Variants in TBC1D22A observed in about 807,000 individuals in gnomAD.
TBC1D22A encodes TBC1 domain family member 22A, also known as putative GTPase activator.
Under a neutral mutation model 60.2 loss-of-function variants are expected in TBC1D22A, and 38 were observed. The observed-to-expected ratio is 0.63, with a 90% CI of 0.49 to 0.83. The LOEUF (loss-of-function observed/expected upper bound fraction) is 0.83. Among genes scored for constraint, TBC1D22A ranks in the 40% least tolerant of loss-of-function variants. TBC1D22A has a pLI of 0.00. For synonymous variants in TBC1D22A, 302 were observed against 281.7 expected, an observed-to-expected ratio of 1.07 and a Z score of -0.72; for missense variants, 628 against 701.0, an observed-to-expected ratio of 0.90 and a Z score of 1.18.
In TBC1D22A at chr22:47,159,047, A is replaced by G. The variant is rs561625130; in HGVS notation, c.1426-14451A>G. 4.0e-5 allele frequency among the ~76,000 whole-genome samples: 6 copies of G among 150,696 alleles called. No homozygotes were observed. In the South Asian group the frequency reaches 1.3e-3, roughly 32 times the overall value. Reference sequence around the variant, plus strand: ...ACACACACACACCATGTATACACACACACCATGTATACACAGACACCACAC... The same window carrying G: ...ACACACACACACCATGTATACACACGCACCATGTATACACAGACACCACAC... On this transcript the variant is annotated intron_variant, in intron 12 of 12. Transcript: ENST00000337137.
At chr22:46,894,132 A>G (rs6007987) in intron 6 of TBC1D22A, among the ~76,000 whole-genome samples, 2,105 of 152,300 alleles carry the variant, frequency 0.014, 65 homozygotes, top group African/African-American at 0.048. Flanking sequence ...AGCGTGGGCT[A>G]GTGTGAGATG....
Position 47,111,507 on chromosome 22 carries a change from G to C in TBC1D22A, c.1330-1G>C, listed in dbSNP as rs1028297602. ...TCTCTTGGTTATTTTTTCTCTTTTA[G>C]TCTGAACCGGACGGCTTTTCTCATT... On this transcript the variant is annotated splice_acceptor_variant, in intron 11 of 12. Coordinates refer to ENST00000337137, the MANE Select transcript of TBC1D22A (RefSeq NM_014346.5). LOFTEE classifies it high-confidence loss of function. 6.2e-7 allele frequency: 1 copy of C among 1,612,862 alleles called. No homozygotes were observed. The highest frequency in any genetic ancestry group is 1.3e-5 in the African/African-American group (1 of 74,898).
At chr22:46,820,589 T>C (rs968041152) in intron 4 of TBC1D22A, among the ~76,000 whole-genome samples, 4 of 152,248 alleles carry the variant, frequency 2.6e-5, no homozygotes, top group African/African-American at 7.2e-5. Flanking sequence ...TGCACTGTGG[T>C]CTGAGAGACT....
At chr22:47,093,218 C>T (rs551736068) in intron 11 of TBC1D22A, among the ~76,000 whole-genome samples, 1 of 152,308 alleles carries the variant, frequency 6.6e-6, no homozygotes, top group South Asian at 2.1e-4. Flanking sequence ...GTGAAGTGAG[C>T]CGCCTCCCTG....
At chr22:46,915,918 C>A in intron 8 of TBC1D22A, 1 of 449,236 alleles carries the variant, frequency 2.2e-6, no homozygotes, top group African/African-American at 2.0e-5. Context: ...TCTGCACATG[C>A]TGGCACTCAG....
chr22:46,862,983 G>A (rs962599251), intron 4 of TBC1D22A, among the ~76,000 whole-genome samples: 1 of 152,206 alleles, frequency 6.6e-6, no homozygotes, highest in Non-Finnish European at 1.5e-5. Flanking sequence ...GGCTTCCGAA[G>A]CATCTTGTCC....
chr22:46,912,305 A>G (rs1171346755), intron 8 of TBC1D22A, 117 bp downstream of exon 8: 6 of 671,046 alleles, frequency 8.9e-6, no homozygotes, highest in Non-Finnish European at 1.5e-5. Context: ...ATGATAGGTA[A>G]TATTAGAGAA....
intron 8 of TBC1D22A, among the ~76,000 whole-genome samples, chr22:46,964,992 C>G (rs2148075931): frequency 6.6e-6 from 1 of 152,332 alleles, no homozygotes; most frequent in African/African-American, 2.4e-5. Context: ...AGGAGCAGAA[C>G]TTTGGGGCCG....
At chr22:46,837,237 C>T (rs1158705330) in intron 4 of TBC1D22A, among the ~76,000 whole-genome samples, 1 of 152,000 alleles carries the variant, frequency 6.6e-6, no homozygotes, top group Non-Finnish European at 1.5e-5. Flanking sequence ...ATTGGAGAAC[C>T]TCAATATATA....
intron 11 of TBC1D22A, among the ~76,000 whole-genome samples, chr22:47,098,079 G>GA (rs377417357): frequency 3.3e-5 from 5 of 151,820 alleles, no homozygotes; most frequent in African/African-American, 7.2e-5. Context: ...AAAAGAAAAA[G>GA]AAAAAAAATC....
At chr22:46,820,116 A>G (rs187207287) in intron 4 of TBC1D22A, among the ~76,000 whole-genome samples, 8 of 151,446 alleles carry the variant, frequency 5.3e-5, no homozygotes, top group Non-Finnish European at 1.2e-4. Flanking sequence ...TGTCTCTTTG[A>G]TTCTTCTCTC....
chr22:47,159,911 A>C (rs200732378), intron 12 of TBC1D22A, among the ~76,000 whole-genome samples: 2 of 43,154 alleles, frequency 4.6e-5, no homozygotes, highest in African/African-American at 1.5e-4. Context: ...CACCACACAC[A>C]TGTGCCACAT....
At chr22:47,097,134 G>A (rs968255447) in intron 11 of TBC1D22A, among the ~76,000 whole-genome samples, 9 of 152,160 alleles carry the variant, frequency 5.9e-5, no homozygotes, top group South Asian at 2.1e-4. Flanking sequence ...CTTTCTGTCC[G>A]GGGCCTAGGC....
At chr22:47,092,174 AGGGATGTC>A (rs1257398466) in intron 11 of TBC1D22A, among the ~76,000 whole-genome samples, 1 of 152,074 alleles carries the variant, frequency 6.6e-6, no homozygotes, top group African/African-American at 2.4e-5. Context: ...TGTGCACTGG[AGGGATGTC>A]GGAGCAGGGC....
intron 8 of TBC1D22A, among the ~76,000 whole-genome samples, chr22:46,936,464 A>G (rs2071662546): frequency 6.6e-6 from 1 of 152,040 alleles, no homozygotes; most frequent in East Asian, 1.9e-4. Context: ...CAAACAGTAC[A>G]TAGCACATCT....
chr22:47,075,508 C>A (rs1297674474), intron 11 of TBC1D22A, among the ~76,000 whole-genome samples: 2 of 152,080 alleles, frequency 1.3e-5, no homozygotes, highest in Non-Finnish European at 2.9e-5. Flanking sequence ...ATAGCAAAAT[C>A]CCATCCCTCA....
chr22:47,001,002 T>C (rs112202926), intron 10 of TBC1D22A, among the ~76,000 whole-genome samples: 3,072 of 152,228 alleles, frequency 0.02, 56 homozygotes, highest in South Asian at 0.084. Context: ...AGAAAAATCA[T>C]CCCAAAGCTG....
chr22:46,805,544 A>G (rs1347477575), intron 4 of TBC1D22A, among the ~76,000 whole-genome samples: 1 of 152,136 alleles, frequency 6.6e-6, no homozygotes, highest in Non-Finnish European at 1.5e-5. Context: ...TCATGGGGTG[A>G]TGGAAGGAGC....
Position 46,897,915 on chromosome 22 carries a change from A to C in TBC1D22A, c.900+3069A>C, listed in dbSNP as rs77531581. ...TGTGCAGTAAATCTGTTAAAAAAAA[A>C]CTTTAGGATTGTTAAAGCAAAAGTA... On this transcript the variant is annotated intron_variant, in intron 7 of 12. Coordinates refer to ENST00000337137, the MANE Select transcript of TBC1D22A (RefSeq NM_014346.5). Among the ~76,000 whole-genome samples, 4 of 109,902 alleles carry C rather than the reference A, an allele frequency of 3.6e-5. No individual in the cohort carries two copies. The South Asian group carries it at 8.5e-4, about 23-fold the overall frequency. The allele number at this position is 109,902 out of a possible 152,430, so 72.1% of individuals were successfully genotyped here. A position where few individuals can be genotyped will look rare whatever the true frequency, so the allele number is the denominator to read the frequency against.
Sources: allele counts gnomAD v4.1 joint callset (sites outside exome capture counted in the v4.1 genomes callset), GRCh38; gene constraint gnomAD v4.1.1; transcripts MANE v1.5; gene names NCBI Gene and HGNC (gene_info 2026-07-23, HGNC 2026-07-21).